Variants in ARMC8 observed in about 807,000 individuals in gnomAD.
ARMC8 encodes the protein armadillo repeat-containing protein 8.
ARMC8 carries 20 observed loss-of-function variants against 99.3 expected under a neutral mutation model. That is an observed-to-expected ratio of 0.20 (90% confidence interval 0.14 to 0.29). The LOEUF (loss-of-function observed/expected upper bound fraction) is 0.29, where lower values mean the gene tolerates loss of function less well. Ranked by LOEUF, ARMC8 falls within the 10% of genes least tolerant of loss-of-function variation. ARMC8 has a pLI of 1.00. For missense variants in ARMC8, 569 were observed against 809.5 expected (o/e 0.70, Z 3.60); for synonymous variants, 263 against 278.3 (o/e 0.95, Z 0.55).
At chr3:138,289,938 A>G (rs751277277) in intron 20 of ARMC8, among the ~76,000 whole-genome samples, 32 of 152,174 alleles carry the variant, frequency 2.1e-4, no homozygotes, top group Admixed American at 3.9e-4. Flanking sequence ...AGCGCCCAAA[A>G]CAAAGTGCAA....
chr3:138,267,374 CG>C (rs2048373721), intron 15 of ARMC8, 133 bp downstream of exon 15: 2 of 520,346 alleles, frequency 3.8e-6, no homozygotes, highest in Non-Finnish European at 6.8e-6. Flanking sequence ...GATTGCATAG[CG>C]GTAGGGGTGT....
Position 138,187,328 on chromosome 3 carries a change from T to G in ARMC8, c.-227T>G. On this transcript the variant is annotated 5_prime_UTR_variant, in exon 1 of 22. Coordinates refer to ENST00000469044, the MANE Select transcript of ARMC8 (RefSeq NM_001363941.2). ...TTCCACCTCTAACCCAGGCTCAGAG[T>G]AGCTGCTGTTTCTGAGAGAACGATT... The G allele has an allele frequency of 2.0e-6, 1 of 501,218 alleles. No homozygotes were observed. Among genetic ancestry groups the G allele is most frequent in the Non-Finnish European group, 3.6e-6 (1 of 280,484 alleles). 31.0% of individuals were successfully genotyped at this position (501,218 alleles called of 1,614,324 possible).
At chr3:138,254,232 TC>T (rs1251920567) in intron 12 of ARMC8, among the ~76,000 whole-genome samples, 7 of 152,224 alleles carry the variant, frequency 4.6e-5, no homozygotes, top group Non-Finnish European at 8.8e-5. Flanking sequence ...CATTTTGAAA[TC>T]CTTGAATCTG....
intron 1 of ARMC8, among the ~76,000 whole-genome samples, chr3:138,202,584 A>T (rs1384072982): frequency 6.6e-6 from 1 of 152,256 alleles, no homozygotes; most frequent in Non-Finnish European, 1.5e-5. Flanking sequence ...TTTGAGGCAC[A>T]GCCTGAGACG....
chr3:138,189,277 C>CT (rs966652430), intron 1 of ARMC8, among the ~76,000 whole-genome samples: 26 of 145,372 alleles, frequency 1.8e-4, no homozygotes, highest in South Asian at 4.3e-4. Flanking sequence ...TCATTAGGGG[C>CT]TTTTTTTTTT....
At position 138,237,295 on chromosome 3, in the gene ARMC8, A is replaced by C. The variant is rs1345085659; in HGVS notation, c.610-14A>C. 6 of 1,608,550 alleles carry C rather than the reference A, an allele frequency of 3.7e-6. No individual in the cohort carries two copies. The highest frequency in any genetic ancestry group is 5.1e-6 in the Non-Finnish European group (6 of 1,178,552). On this transcript the variant is annotated splice_polypyrimidine_tract_variant and intron_variant, in intron 7 of 21. Transcript: ENST00000469044. ...AATTAAACACATTTTTTGTTTGTTCATTTATTTTTACAGGTTCGAATGCAA... is the reference window on the plus strand; with the variant it reads ...AATTAAACACATTTTTTGTTTGTTCCTTTATTTTTACAGGTTCGAATGCAA...
chr3:138,274,297 T>C (rs1330884711), intron 17 of ARMC8, among the ~76,000 whole-genome samples, 152 bp from the exon 18 acceptor site: 1 of 152,090 alleles, frequency 6.6e-6, no homozygotes, highest in Non-Finnish European at 1.5e-5. Context: ...CTTCAAAATA[T>C]AATAAACACT....
rs542270059 is a variant in ARMC8, at chr3:138,257,839, G to A, written c.1135-5900G>A. ...TGTTATACGTCCTTTTTCCTTGCCA[G>A]ACCTACTCTCTCTCCCTGACCTCCT... is the stretch of plus-strand genomic sequence containing the variant. On this transcript the variant is annotated intron_variant, in intron 12 of 21. Coordinates refer to ENST00000469044, the MANE Select transcript of ARMC8 (RefSeq NM_001363941.2). Among the ~76,000 whole-genome samples the A allele has an allele frequency of 5.9e-5, 9 of 152,176 alleles. No individual in the cohort carries two copies. The South Asian group carries it at 1.9e-3, about 32-fold the overall frequency.
intron 6 of ARMC8, among the ~76,000 whole-genome samples, chr3:138,229,216 T>C (rs969914173): frequency 7.3e-6 from 1 of 136,348 alleles, no homozygotes; most frequent in East Asian, 2.1e-4. Context: ...ATATAAAATA[T>C]ATATATATTT....
chr3:138,221,941 T>C lies in ARMC8; in HGVS notation c.138T>C (p.Ala46=). Residue 46 remains alanine (A), a synonymous_variant, in exon 3 of 22, where the codon GCT becomes GCC. Coordinates refer to ENST00000469044, the MANE Select transcript of ARMC8 (RefSeq NM_001363941.2). The part of the protein sequence containing the change: ...VLQGVIDMKN[A]VIGNNKQKAN... The stretch of plus-strand genomic sequence containing the variant: ...CTTAATTCAGAGACATGAAAAATGC[T>C]GTAATTGGAAACAACAAGCAGAAAG... 3.1e-6 allele frequency: 5 copies of C among 1,613,388 alleles called. No homozygotes were observed. The highest frequency in any genetic ancestry group is 4.2e-6 in the Non-Finnish European group (5 of 1,179,494).
In ARMC8 at chr3:138,201,436, C is replaced by CTTTTTTTTTTTTTTTTTTTTTTTTTTTTT. The variant is rs58707271; in HGVS notation, c.46-8368_46-8340dup. Among the ~76,000 whole-genome samples the CTTTTTTTTTTTTTTTTTTTTTTTTTTTTT allele has an allele frequency of 4.6e-5, 3 of 64,932 alleles. 1 individual carries two copies. The highest frequency in any genetic ancestry group is 6.8e-5 in the Non-Finnish European group (2 of 29,392). 42.6% of individuals were successfully genotyped at this position (64,932 alleles called of 152,430 possible). A position where few individuals can be genotyped will look rare whatever the true frequency, so the allele number is the denominator to read the frequency against. On this transcript the variant is annotated intron_variant, in intron 1 of 21. Transcript: ENST00000469044. ...TAGAGTCCTTGTCTTCTTCCCCTCC[C>CTTTTTTTTTTTTTTTTTTTTTTTTTTTTT]TTTTTTTTTTTTTTTTTTTTTTTTT...
rs1045169319 is a variant in ARMC8, at chr3:138,262,729, G to A, written c.1135-1010G>A. ...GTAATTCTTCTGCAAGGACAACCAA[G>A]GTTAAGATCTATTGGTCTAGGTATT... On this transcript the variant is annotated intron_variant, in intron 12 of 21. Coordinates refer to ENST00000469044, the MANE Select transcript of ARMC8 (RefSeq NM_001363941.2). The A allele has an allele frequency of 1.8e-5, 15 of 851,236 alleles. No homozygotes were observed. The African/African-American group carries it at 2.1e-4, about 12-fold the overall frequency. 52.7% of individuals were successfully genotyped at this position (851,236 alleles called of 1,614,324 possible).
At chr3:138,203,932 T>C (rs2044218819) in intron 1 of ARMC8, among the ~76,000 whole-genome samples, 1 of 152,214 alleles carries the variant, frequency 6.6e-6, no homozygotes, top group African/African-American at 2.4e-5. Flanking sequence ...TCCTGTCAAA[T>C]TTATAATCAC....
intron 2 of ARMC8, among the ~76,000 whole-genome samples, chr3:138,217,778 A>C (rs936323405): frequency 3.3e-5 from 5 of 152,064 alleles, no homozygotes; most frequent in Non-Finnish European, 5.9e-5. Flanking sequence ...TTCTTATCTC[A>C]CCTCAAAGAT....
At chr3:138,276,428 C>T (rs923955938) in intron 18 of ARMC8, among the ~76,000 whole-genome samples, 3 of 152,088 alleles carry the variant, frequency 2.0e-5, no homozygotes, top group Non-Finnish European at 4.4e-5. Context: ...TCCATTTGTA[C>T]CACTCCTGTT....
At chr3:138,287,249 AT>A (rs1159799463) in intron 19 of ARMC8, among the ~76,000 whole-genome samples, 2 of 152,164 alleles carry the variant, frequency 1.3e-5, no homozygotes, top group African/African-American at 4.8e-5. Context: ...AGTTGGCACA[AT>A]TTGGCTACAC....
At position 138,296,034 on chromosome 3, in the gene ARMC8, A is replaced by G; in HGVS notation, c.*142A>G. On this transcript the variant is annotated 3_prime_UTR_variant, in exon 22 of 22. Transcript: ENST00000469044. The stretch of plus-strand genomic sequence containing the variant: ...TTTGCAAAAGCAGTTTAGTAGGCTT[A>G]GATCTCAAATTCATCTTGAGAACAT... 1 of 671,182 alleles carries G rather than the reference A, an allele frequency of 1.5e-6. No individual in the cohort carries two copies. The highest frequency in any genetic ancestry group is 2.4e-6 in the Non-Finnish European group (1 of 422,234). 41.6% of individuals were successfully genotyped at this position (671,182 alleles called of 1,614,324 possible).
intron 6 of ARMC8, among the ~76,000 whole-genome samples, chr3:138,230,522 G>A (rs896293533): frequency 9.9e-5 from 15 of 152,204 alleles, no homozygotes; most frequent in African/African-American, 2.9e-4. Flanking sequence ...GCATGGTGGC[G>A]TGTGCCTGTA....
At chr3:138,247,524 T>C (rs1046442921) in intron 12 of ARMC8, among the ~76,000 whole-genome samples, 11 of 152,206 alleles carry the variant, frequency 7.2e-5, no homozygotes, top group Non-Finnish European at 1.2e-4. Context: ...GCCATTTAAA[T>C]TAAAAATGAG....
Sources: allele counts gnomAD v4.1 joint callset (sites outside exome capture counted in the v4.1 genomes callset), GRCh38; gene constraint gnomAD v4.1.1; transcripts MANE v1.5; gene names NCBI Gene and HGNC (gene_info 2026-07-23, HGNC 2026-07-21).